SPAG16: variants seen among roughly 807,000 people sequenced by gnomAD.
SPAG16 encodes the protein sperm associated antigen 16.
SPAG16 carries 86 observed loss-of-function variants against 80.4 expected under a neutral mutation model. The observed-to-expected ratio is 1.07, with a 90% CI of 0.90 to 1.28. SPAG16 has a LOEUF of 1.28. SPAG16 is among the 50% of genes most tolerant of loss of function. The pLI, the probability that SPAG16 is intolerant of heterozygous loss-of-function variation, is 0.00. For synonymous variants in SPAG16, 294 were observed against 265.9 expected, an observed-to-expected ratio of 1.11 and a Z score of -1.03; for missense variants, 870 against 765.3, an observed-to-expected ratio of 1.14 and a Z score of -1.61.
chr2:213,981,858 T>C (rs1408438551), intron 12 of SPAG16, among the ~76,000 whole-genome samples: 1 of 151,970 alleles, frequency 6.6e-6, no homozygotes, highest in East Asian at 1.9e-4. Flanking sequence ...CAAAAGGTTT[T>C]AAAGTCCGAA....
chr2:214,159,482 C>A (rs2056350675), intron 15 of SPAG16, among the ~76,000 whole-genome samples: 1 of 151,830 alleles, frequency 6.6e-6, no homozygotes, highest in Admixed American at 6.6e-5. Flanking sequence ...ATAGGATAAT[C>A]CTTTAAGGGA....
intron 10 of SPAG16, among the ~76,000 whole-genome samples, chr2:213,808,750 A>C (rs1179963338): frequency 6.6e-6 from 1 of 152,152 alleles, no homozygotes; most frequent in Non-Finnish European, 1.5e-5. Context: ...GGCTAAAATA[A>C]AGGAGAATTA....
At chr2:213,796,598 T>G (rs547200278) in intron 10 of SPAG16, among the ~76,000 whole-genome samples, 2 of 152,196 alleles carry the variant, frequency 1.3e-5, no homozygotes, top group East Asian at 3.9e-4. Flanking sequence ...GAGCTGAAAA[T>G]TTTCCATTGC....
chr2:213,660,390 G>A (rs1226680699), intron 10 of SPAG16, among the ~76,000 whole-genome samples: 1 of 151,400 alleles, frequency 6.6e-6, no homozygotes, highest in East Asian at 1.9e-4. Flanking sequence ...CTGCCTCAGT[G>A]TATACATATG....
intron 10 of SPAG16, among the ~76,000 whole-genome samples, chr2:213,738,008 T>C (rs993723099): frequency 6.6e-6 from 1 of 152,166 alleles, no homozygotes; most frequent in Non-Finnish European, 1.5e-5. Flanking sequence ...TTTCTCTTCA[T>C]TGTAGTTTTA....
rs568119243 is a variant in SPAG16, at chr2:214,275,031, GTA to G, written c.1720+125769_1720+125770del. ...CTTCCTGGTTTAGTGTTGGGAGGGT[GTA>G]TATGTCCAGGAATTTATCTATTTCT... On this transcript the variant is annotated intron_variant, in intron 15 of 15. Coordinates refer to ENST00000331683, the MANE Select transcript of SPAG16 (RefSeq NM_024532.5). 5.9e-5 allele frequency among the ~76,000 whole-genome samples: 9 copies of G among 152,242 alleles called. No homozygotes were observed. The East Asian group carries it at 9.7e-4, about 16-fold the overall frequency.
At chr2:213,692,759 G>A (rs1329704346) in intron 10 of SPAG16, among the ~76,000 whole-genome samples, 3 of 150,298 alleles carry the variant, frequency 2.0e-5, no homozygotes, top group South Asian at 2.1e-4. Context: ...GCAGTGAGCC[G>A]AGGTCACGCC....
intron 15 of SPAG16, among the ~76,000 whole-genome samples, chr2:214,380,168 C>T (rs1700366697): frequency 2.0e-5 from 3 of 152,182 alleles, no homozygotes; most frequent in Admixed American, 6.6e-5. Flanking sequence ...AAAACTTTTC[C>T]TTAAACAAGG....
chr2:213,526,214 A>G (rs2075880886), intron 10 of SPAG16, among the ~76,000 whole-genome samples: 1 of 152,206 alleles, frequency 6.6e-6, no homozygotes, highest in South Asian at 2.1e-4. Context: ...TTGTAATTAT[A>G]TCATAATGTA....
intron 10 of SPAG16, among the ~76,000 whole-genome samples, chr2:213,764,430 C>A (rs1336590408): frequency 6.6e-6 from 1 of 151,580 alleles, no homozygotes; most frequent in Non-Finnish European, 1.5e-5. Flanking sequence ...GAATAAACTA[C>A]AAAAGACAAT....
chr2:213,833,487 TATATATA>T (rs1412065760), intron 10 of SPAG16, among the ~76,000 whole-genome samples: 688 of 2,126 alleles, frequency 0.32, 277 homozygotes, highest in East Asian at 0.79. Flanking sequence ...ATATATATAT[TATATATA>T]ATATATATAT....
rs1254864541 is a variant in SPAG16 at position 213,431,072 on chromosome 2, T to C, written c.942+55953T>C. ...CTACTAGAAATGCTCAAATGAGTTC[T>C]AAACATGGGAAAGAAAGGTTGATAT... On this transcript the variant is annotated intron_variant, in intron 9 of 15. Transcript: ENST00000331683. 2.0e-5 allele frequency among the ~76,000 whole-genome samples: 3 copies of C among 152,274 alleles called. No individual in the cohort carries two copies. The East Asian group carries it at 5.8e-4, about 29-fold the overall frequency.
At position 213,507,137 on chromosome 2, in the gene SPAG16, G is replaced by A. The variant is rs191057594; in HGVS notation, c.1070+17047G>A. On this transcript the variant is annotated intron_variant, in intron 10 of 15. Coordinates refer to ENST00000331683, the MANE Select transcript of SPAG16 (RefSeq NM_024532.5). The stretch of plus-strand genomic sequence containing the variant: ...AAAGCTATCAAAACTTACCCTAAAG[G>A]TGGGGATAAGTTTGAACTGATAATG... 2.3e-4 allele frequency among the ~76,000 whole-genome samples: 35 copies of A among 152,310 alleles called. No individual in the cohort carries two copies. The East Asian group carries it at 6.6e-3, about 29-fold the overall frequency.
At chr2:213,973,330 G>T (rs1335321664) in intron 12 of SPAG16, among the ~76,000 whole-genome samples, 1 of 151,928 alleles carries the variant, frequency 6.6e-6, no homozygotes, top group Non-Finnish European at 1.5e-5. Flanking sequence ...TCAGTTGGCT[G>T]CAGGTTCTTC....
chr2:213,671,694 T>C (rs1187790741), intron 10 of SPAG16, among the ~76,000 whole-genome samples: 4 of 152,176 alleles, frequency 2.6e-5, no homozygotes, highest in Admixed American at 2.6e-4. Context: ...ATTTAGATGG[T>C]CTTGAGTTAA....
intron 9 of SPAG16, among the ~76,000 whole-genome samples, chr2:213,463,385 C>A (rs2072490346): frequency 6.6e-6 from 1 of 152,212 alleles, no homozygotes; most frequent in Non-Finnish European, 1.5e-5. Context: ...GAGAAAACAT[C>A]CTCAGGGCAT....
At chr2:213,868,916 T>G (rs769698327) in intron 11 of SPAG16, among the ~76,000 whole-genome samples, 1 of 152,104 alleles carries the variant, frequency 6.6e-6, no homozygotes, top group Non-Finnish European at 1.5e-5. Context: ...AACCATAGTA[T>G]GAAAACCCCT....
intron 15 of SPAG16, among the ~76,000 whole-genome samples, chr2:214,150,116 A>G (rs962517672): frequency 6.6e-6 from 1 of 152,130 alleles, no homozygotes; most frequent in African/African-American, 2.4e-5. Flanking sequence ...TAGGTGAAGA[A>G]GTAAAGAACA....
chr2:213,592,502 C>G (rs2060733215), intron 10 of SPAG16, among the ~76,000 whole-genome samples: 1 of 152,096 alleles, frequency 6.6e-6, no homozygotes, highest in Non-Finnish European at 1.5e-5. Flanking sequence ...ATTTTTAAAA[C>G]TAAATATATA....
Sources: allele counts gnomAD v4.1 joint callset (sites outside exome capture counted in the v4.1 genomes callset), GRCh38; gene constraint gnomAD v4.1.1; transcripts MANE v1.5; gene names NCBI Gene and HGNC (gene_info 2026-07-23, HGNC 2026-07-21).